Variants in CD44 observed in about 807,000 individuals in gnomAD.
CD44 encodes the protein CD44 molecule (IN blood group), also known as CD44 antigen.
Under a neutral mutation model 88.8 loss-of-function variants are expected in CD44, and 49 were observed. The ratio of observed to expected loss-of-function variants is 0.55; its 90% CI spans 0.44 to 0.70. The LOEUF (loss-of-function observed/expected upper bound fraction) is 0.70. Ranked by LOEUF, CD44 falls within the 30% of genes least tolerant of loss-of-function variation. The pLI is 0.00. For missense variants in CD44, 883 were observed against 913.8 expected, an observed-to-expected ratio of 0.97 and a Z score of 0.43; for synonymous variants, 325 against 312.3, an observed-to-expected ratio of 1.04 and a Z score of -0.43.
At position 35,159,715 on chromosome 11, in the gene CD44, C is replaced by T. The variant is rs149746206; in HGVS notation, c.68-16860C>T. Among the ~76,000 whole-genome samples the T allele has an allele frequency of 7.3e-3, 1,105 of 152,288 alleles. 17 individuals carry two copies. Among genetic ancestry groups the T allele is most frequent in the African/African-American group, 0.025 (1,044 of 41,542 alleles). On this transcript the variant is annotated intron_variant, in intron 1 of 17. Coordinates refer to ENST00000428726, the MANE Select transcript of CD44 (RefSeq NM_000610.4). ...AATGAATGGCTGAATTTCATCAGAG[C>T]CAGTTTACAGGCAGAGAAACTGAGG...
Position 35,231,378 on chromosome 11 carries a change from G to C in CD44, c.*2045G>C, listed in dbSNP as rs1005803205. 2 of 152,140 alleles carry C rather than the reference G, an allele frequency of 1.3e-5. No homozygotes were observed. Among genetic ancestry groups the C allele is most frequent in the Non-Finnish European group, 2.9e-5 (2 of 68,044 alleles). 9.4% of individuals were successfully genotyped at this position (152,140 alleles called of 1,614,324 possible). A position where few individuals can be genotyped will look rare whatever the true frequency, so the allele number is the denominator to read the frequency against. On this transcript the variant is annotated 3_prime_UTR_variant, in exon 18 of 18. Coordinates refer to ENST00000428726, the MANE Select transcript of CD44 (RefSeq NM_000610.4). Reference sequence around the variant, plus strand: ...ATGGTTACAACAGCCTCTACCTGTCGCCCCAGGGAGAAAGGGGTAGTGATA... The same window carrying C: ...ATGGTTACAACAGCCTCTACCTGTCCCCCCAGGGAGAAAGGGGTAGTGATA...
At chr11:35,221,530 G>A (rs892222703) in intron 16 of CD44, 124 bp from the exon 17 acceptor site, 5 of 803,028 alleles carry the variant, frequency 6.2e-6, no homozygotes, top group Non-Finnish European at 1.1e-5. Context: ...GGACCTATTG[G>A]CCAGACCCCC....
intron 14 of CD44, chr11:35,213,643 C>A (rs1158952703): frequency 6.6e-6 from 1 of 152,280 alleles, no homozygotes; most frequent in Non-Finnish European, 1.5e-5. Context: ...CAGAACGAGG[C>A]TCCGTCCCCC....
intron 10 of CD44, among the ~76,000 whole-genome samples, chr11:35,205,528 G>GTGTGATTGTCTATGTGGTGTAGTT (rs1947744267): frequency 6.6e-6 from 1 of 152,140 alleles, no homozygotes; most frequent in African/African-American, 2.4e-5. Context: ...CTTCTTCATT[G>GTGTGATTGTCTATGTGGTGTAGTT]GCTCAGAATG....
At chr11:35,171,485 T>C (rs1460158308) in intron 1 of CD44, among the ~76,000 whole-genome samples, 3 of 152,202 alleles carry the variant, frequency 2.0e-5, no homozygotes, top group East Asian at 3.8e-4. Flanking sequence ...AGAACCTGCT[T>C]AAGCCTTCAC....
chr11:35,164,657 C>T (rs760733881), intron 1 of CD44, among the ~76,000 whole-genome samples: 15 of 152,188 alleles, frequency 9.9e-5, no homozygotes, highest in Admixed American at 2.6e-4. Context: ...CCAGCCCAGT[C>T]TCCTTAGAGT....
At chr11:35,162,870 A>G (rs570047482) in intron 1 of CD44, among the ~76,000 whole-genome samples, 2 of 152,260 alleles carry the variant, frequency 1.3e-5, no homozygotes, top group South Asian at 4.2e-4. Flanking sequence ...TCTTGTGCAC[A>G]CAGACAGAAA....
At chr11:35,151,845 G>T (rs1448095886) in intron 1 of CD44, among the ~76,000 whole-genome samples, 3 of 152,212 alleles carry the variant, frequency 2.0e-5, no homozygotes, top group Non-Finnish European at 4.4e-5. Flanking sequence ...TGAGCCTTTT[G>T]TTAGGATTCA....
chr11:35,144,217 C>T (rs1012282457), intron 1 of CD44, among the ~76,000 whole-genome samples: 4 of 152,210 alleles, frequency 2.6e-5, no homozygotes, highest in Non-Finnish European at 4.4e-5. Context: ...GGGGCTGGGG[C>T]TGGGGATAAG....
intron 1 of CD44, among the ~76,000 whole-genome samples, chr11:35,164,725 T>C (rs1233952873): frequency 3.9e-5 from 6 of 152,246 alleles, no homozygotes; most frequent in Non-Finnish European, 7.3e-5. Flanking sequence ...GGACAATCTT[T>C]ATGAAAAACT....
intron 7 of CD44, among the ~76,000 whole-genome samples, chr11:35,200,006 CT>C (rs201150294): frequency 1.1e-3 from 57 of 52,344 alleles, no homozygotes; most frequent in African/African-American, 3.8e-3. Flanking sequence ...TTCTGCTTTT[CT>C]TTTTTTTTCT....
At chr11:35,212,373 A>G (rs1243719127) in intron 14 of CD44, among the ~76,000 whole-genome samples, 1 of 152,072 alleles carries the variant, frequency 6.6e-6, no homozygotes, top group Admixed American at 6.6e-5. Context: ...AAAGAAAAAG[A>G]AGAATTCATA....
At chr11:35,195,400 G>A (rs951110789) in intron 5 of CD44, among the ~76,000 whole-genome samples, 2 of 151,858 alleles carry the variant, frequency 1.3e-5, no homozygotes, top group Non-Finnish European at 2.9e-5. Flanking sequence ...ATATCACAAT[G>A]TCTAAGATCA....
intron 1 of CD44, among the ~76,000 whole-genome samples, chr11:35,147,774 T>C (rs1253241482): frequency 6.6e-6 from 1 of 152,090 alleles, no homozygotes; most frequent in Admixed American, 6.5e-5. Flanking sequence ...TTGCAAGTGT[T>C]CACTATTATG....
intron 16 of CD44, 130 bp downstream of exon 16, chr11:35,219,517 C>G: frequency 4.4e-6 from 3 of 688,070 alleles, no homozygotes; most frequent in Non-Finnish European, 7.9e-6. Flanking sequence ...AATTGCTCCT[C>G]TTTACAAGTT....
intron 3 of CD44, among the ~76,000 whole-genome samples, chr11:35,185,662 T>C (rs987483198): frequency 6.6e-6 from 1 of 152,188 alleles, no homozygotes; most frequent in Admixed American, 6.5e-5. Context: ...TGGGAGAAAC[T>C]AACCTAACAA....
Position 35,222,678 on chromosome 11 carries a change from GGTATAAATCTAAATTTATAAAA to G in CD44, c.2024+963_2024+984del, listed in dbSNP as rs1192505626. On this transcript the variant is annotated intron_variant, in intron 17 of 17. Coordinates refer to ENST00000428726, the MANE Select transcript of CD44 (RefSeq NM_000610.4). ...AACAGAGGAAATGACCTTTAACAGG[GGTATAAATCTAAATTTATAAAA>G]GTATAAATCTAAATTTCTTACCCAA... 2,240 of 895,182 alleles carry G rather than the reference GGTATAAATCTAAATTTATAAAA, an allele frequency of 2.5e-3. 3 individuals carry two copies. Among genetic ancestry groups the G allele is most frequent in the Middle Eastern group, 0.011 (20 of 1,748 alleles). 55.5% of individuals were successfully genotyped at this position (895,182 alleles called of 1,614,324 possible). A position where few individuals can be genotyped will look rare whatever the true frequency, so the allele number is the denominator to read the frequency against.
chr11:35,213,532 G>A (rs1366161170), intron 14 of CD44: 1 of 152,174 alleles, frequency 6.6e-6, no homozygotes, highest in Non-Finnish European at 1.5e-5. Flanking sequence ...GGTGCCTGTA[G>A]TCTCACCTAC....
intron 11 of CD44, among the ~76,000 whole-genome samples, chr11:35,207,369 A>G (rs1302975771): frequency 1.3e-5 from 2 of 152,218 alleles, no homozygotes; most frequent in African/African-American, 2.4e-5. Flanking sequence ...AGAAATATCG[A>G]TGGGGTTTAT....
Sources: allele counts gnomAD v4.1 joint callset (sites outside exome capture counted in the v4.1 genomes callset), GRCh38; gene constraint gnomAD v4.1.1; transcripts MANE v1.5; gene names NCBI Gene and HGNC (gene_info 2026-07-23, HGNC 2026-07-21).